Variants in MAP6 observed in about 807,000 individuals in gnomAD.
MAP6 encodes the protein microtubule associated protein 6.
MAP6 carries 26 observed loss-of-function variants against 42.4 expected under a neutral mutation model. That is an observed-to-expected ratio of 0.61 (90% CI 0.45 to 0.85). The LOEUF is 0.85. Among genes scored for constraint, MAP6 ranks in the 40% least tolerant of loss-of-function variants. MAP6 has a pLI of 0.00. For missense variants in MAP6, 966 were observed against 1,099.0 expected, an observed-to-expected ratio of 0.88 and a Z score of 1.71; for synonymous variants, 418 against 443.8, an observed-to-expected ratio of 0.94 and a Z score of 0.73.
chr11:75,608,002 G>A (rs1942811296), intron 2 of MAP6, 107 bp downstream of exon 2: 1 of 1,012,572 alleles, frequency 9.9e-7, no homozygotes, highest in Non-Finnish European at 1.5e-6. Flanking sequence ...TTTTAAAGGT[G>A]CCCGTGGAGG....
chr11:75,615,862 A>C (rs1942986093), intron 1 of MAP6, among the ~76,000 whole-genome samples: 1 of 151,578 alleles, frequency 6.6e-6, no homozygotes, highest in Non-Finnish European at 1.5e-5. Context: ...AGATACTGAA[A>C]GAGCAATTAT....
intron 1 of MAP6, among the ~76,000 whole-genome samples, chr11:75,613,257 G>T (rs562358801): frequency 1.4e-4 from 21 of 151,632 alleles, no homozygotes; most frequent in Admixed American, 3.3e-4. Flanking sequence ...TTCCTTCCCT[G>T]CCCTACATGG....
intron 1 of MAP6, among the ~76,000 whole-genome samples, chr11:75,613,564 G>A (rs566175144): frequency 6.6e-6 from 1 of 152,260 alleles, no homozygotes; most frequent in South Asian, 2.1e-4. Flanking sequence ...GGGACAGGGT[G>A]CTCTCTAACT....
intron 1 of MAP6, among the ~76,000 whole-genome samples, chr11:75,653,218 A>G (rs1003613399): frequency 6.6e-6 from 1 of 152,226 alleles, no homozygotes; most frequent in Admixed American, 6.5e-5. Context: ...GCCAGGCCCA[A>G]GAAAGGGATA....
At chr11:75,625,193 C>T (rs1272424272) in intron 1 of MAP6, among the ~76,000 whole-genome samples, 1 of 152,188 alleles carries the variant, frequency 6.6e-6, no homozygotes, top group Non-Finnish European at 1.5e-5. Flanking sequence ...CCCACAAACT[C>T]ATTAGCACAG....
chr11:75,596,841 C>G (rs538263814), intron 3 of MAP6, among the ~76,000 whole-genome samples: 1 of 152,284 alleles, frequency 6.6e-6, no homozygotes. Context: ...GACTCATTTT[C>G]CATAGACGAG....
chr11:75,608,948 C>T (rs773596013), intron 1 of MAP6, among the ~76,000 whole-genome samples: 2 of 152,176 alleles, frequency 1.3e-5, no homozygotes, highest in African/African-American at 4.8e-5. Flanking sequence ...ATTTGCAGAT[C>T]GTTAGTAAGC....
At position 75,667,919 on chromosome 11, in the gene MAP6, C is replaced by T; in HGVS notation, c.451G>A (p.Glu151Lys). The change falls in exon 1 of 4, where the codon GAG (glutamate) becomes AAG (lysine). Residue 151 changes from glutamate to lysine, a missense_variant. Coordinates refer to ENST00000304771, the MANE Select transcript of MAP6 (RefSeq NM_033063.2). The surrounding 1 kb of genome is among the most constrained non-coding windows in gnomAD (Gnocchi z 5.6). ...TCCTTCTGGTACTGGGTCTCGCGCTCGAAGGGAGCGTCGGAGGGCTGGTAT... is the reference window on the plus strand; with the variant it reads ...TCCTTCTGGTACTGGGTCTCGCGCTTGAAGGGAGCGTCGGAGGGCTGGTAT... ...SEYQPSDAPF[E>K]RETQYQKDFR... The T allele has an allele frequency of 2.1e-6, 3 of 1,407,584 alleles. No individual in the cohort carries two copies. Among genetic ancestry groups the T allele is most frequent in the Non-Finnish European group, 2.8e-6 (3 of 1,077,088 alleles). 87.2% of individuals were successfully genotyped at this position (1,407,584 alleles called of 1,614,324 possible). A position where few individuals can be genotyped will look rare whatever the true frequency, so the allele number is the denominator to read the frequency against.
intron 1 of MAP6, among the ~76,000 whole-genome samples, chr11:75,609,657 T>C (rs1942852468): frequency 6.6e-6 from 1 of 152,220 alleles, no homozygotes; most frequent in African/African-American, 2.4e-5. Flanking sequence ...TTGATAAAGC[T>C]GATTTGGTAA....
intron 3 of MAP6, among the ~76,000 whole-genome samples, chr11:75,590,405 C>A (rs1340228607): frequency 6.6e-6 from 1 of 152,128 alleles, no homozygotes; most frequent in African/African-American, 2.4e-5. Context: ...TCCTGCTGGC[C>A]TGGAGGTCAC....
intron 1 of MAP6, among the ~76,000 whole-genome samples, chr11:75,640,809 GC>G (rs1342547857): frequency 5.9e-5 from 9 of 152,276 alleles, no homozygotes; most frequent in African/African-American, 2.2e-4. Flanking sequence ...AGTTAGAATG[GC>G]GATCATTAAA....
intron 1 of MAP6, among the ~76,000 whole-genome samples, chr11:75,622,786 G>A (rs1404349415): frequency 6.6e-6 from 1 of 152,180 alleles, no homozygotes; most frequent in African/African-American, 2.4e-5. Context: ...TAGACATATA[G>A]ATCTATGAAC....
intron 1 of MAP6, among the ~76,000 whole-genome samples, chr11:75,620,046 G>C (rs1054075439): frequency 5.3e-5 from 8 of 152,144 alleles, no homozygotes; most frequent in African/African-American, 1.7e-4. Flanking sequence ...TTTTGGTATT[G>C]ATGTGCATTT....
intron 1 of MAP6, among the ~76,000 whole-genome samples, chr11:75,660,243 C>T (rs1007758836): frequency 6.6e-6 from 1 of 152,124 alleles, no homozygotes; most frequent in African/African-American, 2.4e-5. Flanking sequence ...GGTAATTTTG[C>T]CTCTTCCTAT....
At position 75,668,548 on chromosome 11, in the gene MAP6, G is replaced by A. The variant is rs913915415; in HGVS notation, c.-179C>T. 5.9e-6 allele frequency: 5 copies of A among 844,176 alleles called. No individual in the cohort carries two copies. The African/African-American group carries it at 7.1e-5, about 12-fold the overall frequency. 52.3% of individuals were successfully genotyped at this position (844,176 alleles called of 1,614,324 possible). A position where few individuals can be genotyped will look rare whatever the true frequency, so the allele number is the denominator to read the frequency against. ...CGAGCACCCGGGGAGAGCTGTCCTAGGAGAGTCTGTAGAGTCCCTCGATTA... is the reference window on the plus strand; with the variant it reads ...CGAGCACCCGGGGAGAGCTGTCCTAAGAGAGTCTGTAGAGTCCCTCGATTA... On this transcript the variant is annotated 5_prime_UTR_variant, in exon 1 of 4. Transcript: ENST00000304771.
At chr11:75,625,549 C>G (rs1477103923) in intron 1 of MAP6, among the ~76,000 whole-genome samples, 1 of 152,128 alleles carries the variant, frequency 6.6e-6, no homozygotes. Context: ...ATGAGAAAAC[C>G]AAAGCCCAGA....
At chr11:75,603,051 T>A (rs1942693666) in intron 3 of MAP6, 1 of 985,728 alleles carries the variant, frequency 1.0e-6, no homozygotes, top group Non-Finnish European at 1.2e-6. Flanking sequence ...ATCTGTGGTA[T>A]GCAACAAAAC....
Position 75,606,130 on chromosome 11 carries a change from A to G in MAP6, c.1120-126T>C, listed in dbSNP as rs779642160. 2.5e-5 allele frequency: 28 copies of G among 1,110,362 alleles called. 1 individual carries two copies. In the South Asian group the frequency reaches 2.6e-4, roughly 10 times the overall value. The allele number at this position is 1,110,362 out of a possible 1,614,324, so 68.8% of individuals were successfully genotyped here. On this transcript the variant is annotated intron_variant, in intron 2 of 3. Transcript: ENST00000304771. ...TGACAGAGGTTGGCTCAGGTGGAGC[A>G]CAGTGCATAAGGTGTTCCCAAGGAC...
chr11:75,605,047 G>C, intron 3 of MAP6: 1 of 985,440 alleles, frequency 1.0e-6, no homozygotes, highest in Non-Finnish European at 1.2e-6. Context: ...AGGAGAATCA[G>C]AGGAAAACAG....
Sources: gnomAD v4.1 joint callset for allele counts (sites outside exome capture counted in the v4.1 genomes callset) on GRCh38, gnomAD v4.1.1 for gene constraint, Gnocchi (gnomAD v3.1) non-coding constraint, MANE v1.5 for transcripts, NCBI Gene and HGNC (gene_info 2026-07-23, HGNC 2026-07-21) for gene names.